Variants in CPNE4 observed in about 807,000 individuals in gnomAD.
The protein encoded by CPNE4 is copine-4.
In CPNE4, 25 loss-of-function variants were observed where a neutral mutation model predicts 67.9. That is an observed-to-expected ratio of 0.37 (90% CI 0.27 to 0.51). CPNE4 has a LOEUF of 0.51. Ranked by LOEUF, CPNE4 falls within the 20% of genes least tolerant of loss-of-function variation. The pLI, the probability that CPNE4 is intolerant of heterozygous loss-of-function variation, is 0.93. For synonymous variants in CPNE4, 242 were observed against 244.9 expected (o/e 0.99, Z 0.11); for missense variants, 464 against 690.8 (o/e 0.67, Z 3.68).
chr3:131,619,109 A>G (rs536587735), intron 7 of CPNE4, among the ~76,000 whole-genome samples: 1 of 152,270 alleles, frequency 6.6e-6, no homozygotes, highest in East Asian at 1.9e-4. Context: ...ATATGATTGT[A>G]GGTAAAATAG....
intron 2 of CPNE4, among the ~76,000 whole-genome samples, chr3:131,849,625 C>T (rs537816771): frequency 1.1e-3 from 165 of 152,194 alleles, no homozygotes; most frequent in Middle Eastern, 3.4e-3. Flanking sequence ...CAAATCCAAA[C>T]GATATCAGAA....
chr3:131,778,303 G>A (rs982840477), intron 2 of CPNE4, among the ~76,000 whole-genome samples: 3 of 152,110 alleles, frequency 2.0e-5, no homozygotes, highest in South Asian at 2.1e-4. Flanking sequence ...TCCTCCTATC[G>A]TGTACCCTTC....
rs931990722 is a variant in CPNE4 at position 131,621,857 on chromosome 3, A to G, written c.682-34275T>C. On this transcript the variant is annotated intron_variant, in intron 7 of 15. Transcript: ENST00000429747. Reference sequence around the variant, plus strand: ...CCCCATCTGTACAAAAAATACAAAAAAAAAAATGAGCTGGGCATGGTGGTG... The same window carrying G: ...CCCCATCTGTACAAAAAATACAAAAGAAAAAATGAGCTGGGCATGGTGGTG... Among the ~76,000 whole-genome samples the G allele has an allele frequency of 2.6e-5, 4 of 151,174 alleles. No homozygotes were observed. The East Asian group carries it at 7.8e-4, about 29-fold the overall frequency.
intron 7 of CPNE4, among the ~76,000 whole-genome samples, chr3:131,643,653 A>C (rs1391731092): frequency 6.6e-6 from 1 of 152,134 alleles, no homozygotes; most frequent in Non-Finnish European, 1.5e-5. Flanking sequence ...CTGTGTTGCC[A>C]CTCAAATCTC....
At chr3:132,037,728 A>G, upstream of CPNE4, 1 of 806,810 alleles carries the variant, frequency 1.2e-6, no homozygotes, top group Admixed American at 2.1e-5. Context: ...ATAAGATAAG[A>G]GGAGGCATCC....
intron 2 of CPNE4, among the ~76,000 whole-genome samples, chr3:131,728,259 A>G (rs1273367878): frequency 6.6e-6 from 1 of 152,132 alleles, no homozygotes; most frequent in African/African-American, 2.4e-5. Flanking sequence ...CTCTGTTTTC[A>G]TTCTTATAAC....
intron 9 of CPNE4, among the ~76,000 whole-genome samples, chr3:131,578,130 CA>C (rs1258718340): frequency 6.6e-6 from 1 of 152,094 alleles, no homozygotes; most frequent in Non-Finnish European, 1.5e-5. Flanking sequence ...AGGTTTCTGA[CA>C]ACATTGCATT....
intron 11 of CPNE4, among the ~76,000 whole-genome samples, chr3:131,557,778 A>C (rs774834282): frequency 6.6e-6 from 1 of 151,984 alleles, no homozygotes. Flanking sequence ...ATTCCTCCTT[A>C]AACAAAACAA....
At chr3:131,999,650 G>A (rs562309525) in intron 1 of CPNE4, among the ~76,000 whole-genome samples, 1 of 152,158 alleles carries the variant, frequency 6.6e-6, no homozygotes, top group South Asian at 2.1e-4. Flanking sequence ...ATAGATAACA[G>A]GGTGGGTAGA....
chr3:131,922,571 T>G (rs2070770458), intron 1 of CPNE4, among the ~76,000 whole-genome samples: 1 of 152,238 alleles, frequency 6.6e-6, no homozygotes, highest in Non-Finnish European at 1.5e-5. Flanking sequence ...AACAGCATGC[T>G]GCATCTGGAG....
intron 10 of CPNE4, 24 bp downstream of exon 10, chr3:131,575,047 G>A (rs1489559142): frequency 1.2e-6 from 2 of 1,602,094 alleles, no homozygotes; most frequent in East Asian, 4.5e-5. Flanking sequence ...TAAGAATCAA[G>A]GAATCAACAT....
intron 2 of CPNE4, among the ~76,000 whole-genome samples, chr3:131,767,940 T>G (rs543161498): frequency 6.6e-6 from 1 of 152,254 alleles, no homozygotes; most frequent in Non-Finnish European, 1.5e-5. Context: ...GCTTTTCTGA[T>G]GTTTTGCCAC....
intron 1 of CPNE4, among the ~76,000 whole-genome samples, chr3:131,943,148 G>A (rs972374461): frequency 2.6e-5 from 4 of 152,070 alleles, no homozygotes; most frequent in African/African-American, 7.2e-5. Flanking sequence ...TTGCATATTC[G>A]GTTAACATTG....
In CPNE4 at chr3:131,853,736, T is replaced by C. The variant is rs767647805; in HGVS notation, c.180+51528A>G. 7.6e-4 allele frequency among the ~76,000 whole-genome samples: 116 copies of C among 151,844 alleles called. 1 individual carries two copies. Among genetic ancestry groups the C allele is most frequent in the Non-Finnish European group, 1.4e-3 (93 of 67,826 alleles). ...CAATTTTTAAACTTATGGTTGAAGA[T>C]GTGAACAGATGCTTCATAAAAGAAG... On this transcript the variant is annotated intron_variant, in intron 2 of 15. Coordinates refer to ENST00000429747, the MANE Select transcript of CPNE4 (RefSeq NM_130808.3).
At chr3:131,794,130 A>G (rs1353862659) in intron 2 of CPNE4, among the ~76,000 whole-genome samples, 3 of 152,202 alleles carry the variant, frequency 2.0e-5, no homozygotes. Flanking sequence ...GCCTCTGAGG[A>G]ATGACACTTC....
chr3:131,544,117 AT>A (rs1935678647), intron 14 of CPNE4, among the ~76,000 whole-genome samples: 1 of 152,220 alleles, frequency 6.6e-6, no homozygotes, highest in African/African-American at 2.4e-5. Flanking sequence ...AGAGAAGCAG[AT>A]TAGTCAGATG....
At chr3:131,661,894 T>C (rs1198846314) in intron 7 of CPNE4, among the ~76,000 whole-genome samples, 1 of 152,174 alleles carries the variant, frequency 6.6e-6, no homozygotes, top group Non-Finnish European at 1.5e-5. Flanking sequence ...CAATTCCAAC[T>C]GCCTGTGTTT....
chr3:131,929,641 G>T (rs1407226911), intron 1 of CPNE4, among the ~76,000 whole-genome samples: 2 of 152,002 alleles, frequency 1.3e-5, no homozygotes, highest in African/African-American at 2.4e-5. Context: ...AGCCCCAAAT[G>T]CTGTTCTTTC....
At chr3:131,714,175 T>C (rs2081627411) in intron 3 of CPNE4, among the ~76,000 whole-genome samples, 2 of 152,298 alleles carry the variant, frequency 1.3e-5, no homozygotes, top group Middle Eastern at 3.4e-3. Context: ...GGGCATTACA[T>C]TGAGTTTGGG....
Sources: gnomAD v4.1 joint callset for allele counts (sites outside exome capture counted in the v4.1 genomes callset) on GRCh38, gnomAD v4.1.1 for gene constraint, MANE v1.5 for transcripts, NCBI Gene and HGNC (gene_info 2026-07-23, HGNC 2026-07-21) for gene names.